The following SPMIP7 variants were observed in gnomAD, a reference collection of about 807,000 sequenced individuals.
The protein encoded by SPMIP7 is protein SPMIP7.
the SPMIP7 span, chr7:50,129,877 C>T: frequency 3.4e-5 from 29 of 840,594 alleles, 2 homozygotes; most frequent in South Asian, 4.7e-4. Context: ...TCTATAATAT[C>T]CTGGATCTTA....
chr7:50,158,942 C>A, the SPMIP7 span: 1 of 1,228,020 alleles, frequency 8.1e-7, no homozygotes, highest in Non-Finnish European at 1.1e-6. Context: ...AGTGCGCGCT[C>A]CCCTCCCCTT....
chr7:50,110,978 A>AAT, the SPMIP7 span, among the ~76,000 whole-genome samples: 14 of 143,088 alleles, frequency 9.8e-5, no homozygotes, highest in South Asian at 3.0e-3. Flanking sequence ...ACCATCAGCT[A>AAT]ATATATATAA....
At chr7:50,136,197 G>C in the SPMIP7 span, 7 of 1,433,038 alleles carry the variant, frequency 4.9e-6, no homozygotes, top group Non-Finnish European at 6.7e-6. Context: ...TCTCACACTA[G>C]GTTTCTCACT....
the SPMIP7 span, among the ~76,000 whole-genome samples, chr7:50,130,510 T>G: frequency 3.2e-3 from 488 of 152,184 alleles, 1 homozygote; most frequent in African/African-American, 0.011. Flanking sequence ...TAAGGATTAT[T>G]ACAATTCAAG....
chr7:50,155,402 C>T, the SPMIP7 span, among the ~76,000 whole-genome samples: 54,140 of 152,024 alleles, frequency 0.36, 9,889 homozygotes, highest in Non-Finnish European at 0.4. Context: ...CATCCTTGTA[C>T]TGATCATTTA....
chr7:50,097,384 G>T, the SPMIP7 span, among the ~76,000 whole-genome samples: 1 of 152,206 alleles, frequency 6.6e-6, no homozygotes, highest in Non-Finnish European at 1.5e-5. Context: ...ATAGGTTGAA[G>T]AAATGGCTTA....
the SPMIP7 span, chr7:50,096,226 T>TGAGAACA: frequency 1.3e-6 from 2 of 1,551,686 alleles, no homozygotes; most frequent in South Asian, 1.2e-5. Context: ...TGAAAGGTCT[T>TGAGAACA]GAGAACAGAC....
the SPMIP7 span, among the ~76,000 whole-genome samples, chr7:50,121,112 A>AG: frequency 1.2e-4 from 18 of 152,224 alleles, no homozygotes; most frequent in Admixed American, 1.2e-3. Flanking sequence ...GAGTAAAAAA[A>AG]CACGAGGAAA....
chr7:50,151,895 C>G, the SPMIP7 span, among the ~76,000 whole-genome samples: 2 of 152,204 alleles, frequency 1.3e-5, no homozygotes, highest in Non-Finnish European at 2.9e-5. Flanking sequence ...AGACTCACAG[C>G]TGTGCACACA....
chr7:50,152,327 AGAGT>A, the SPMIP7 span, among the ~76,000 whole-genome samples: 1 of 152,228 alleles, frequency 6.6e-6, no homozygotes, highest in Admixed American at 6.5e-5. Flanking sequence ...ACTGGGCAAC[AGAGT>A]GAGACTCCAT....
At chr7:50,148,875 G>A in the SPMIP7 span, among the ~76,000 whole-genome samples, 8 of 152,278 alleles carry the variant, frequency 5.3e-5, no homozygotes, top group East Asian at 1.9e-4. Flanking sequence ...GGCCGGGCAC[G>A]GTGGCTCACG....
At chr7:50,121,928 A>G in the SPMIP7 span, among the ~76,000 whole-genome samples, 1 of 151,782 alleles carries the variant, frequency 6.6e-6, no homozygotes, top group Non-Finnish European at 1.5e-5. Context: ...AAGTGCTGGG[A>G]TTACAGGCAT....
At chr7:50,116,261 A>G in the SPMIP7 span, among the ~76,000 whole-genome samples, 1 of 152,120 alleles carries the variant, frequency 6.6e-6, no homozygotes, top group Admixed American at 6.6e-5. Context: ...GACTACAGGC[A>G]TGCACCACCA....
the SPMIP7 span, among the ~76,000 whole-genome samples, chr7:50,110,325 G>T: frequency 6.6e-6 from 1 of 150,380 alleles, no homozygotes; most frequent in African/African-American, 2.4e-5. Context: ...ACCTTCAAAG[G>T]CTTGACAGAT....
the SPMIP7 span, among the ~76,000 whole-genome samples, chr7:50,152,211 G>A: frequency 3.3e-5 from 5 of 152,250 alleles, no homozygotes; most frequent in African/African-American, 1.2e-4. Flanking sequence ...AGCCAGTGTG[G>A]TGGTGGGCAC....
the SPMIP7 span, among the ~76,000 whole-genome samples, chr7:50,145,614 G>GTATATATATATATATATA: frequency 1.0e-4 from 4 of 39,056 alleles, no homozygotes; most frequent in African/African-American, 1.8e-4. Context: ...GTGTATATGT[G>GTATATATATATATATATA]TGTGTATATA....
chr7:50,109,059 T>C, the SPMIP7 span, among the ~76,000 whole-genome samples: 117,664 of 151,482 alleles, frequency 0.78, 45,796 homozygotes, highest in East Asian at 0.88. Context: ...ATTAAGCACT[T>C]TCATACCAGT....
At chr7:50,112,216 A>T in the SPMIP7 span, among the ~76,000 whole-genome samples, 3 of 152,212 alleles carry the variant, frequency 2.0e-5, no homozygotes, top group Non-Finnish European at 2.9e-5. Context: ...GAATATTTAA[A>T]AGTGTTAAAG....
the SPMIP7 span, among the ~76,000 whole-genome samples, chr7:50,099,427 C>G: frequency 2.0e-5 from 3 of 152,034 alleles, no homozygotes; most frequent in Non-Finnish European, 4.4e-5. Context: ...GTATCTTATT[C>G]CTTTGTTTGG....
Sources: allele counts gnomAD v4.1 joint callset (sites outside exome capture counted in the v4.1 genomes callset), GRCh38; gene constraint gnomAD v4.1.1; transcripts MANE v1.5; gene names NCBI Gene and HGNC (gene_info 2026-07-23, HGNC 2026-07-21).